The following MAF variants were observed in gnomAD, a reference collection of about 807,000 sequenced individuals.
MAF encodes MAF bZIP transcription factor.
Under a neutral mutation model 22.0 loss-of-function variants are expected in MAF, and 10 were observed. That is an observed-to-expected ratio of 0.45 (90% CI 0.28 to 0.77). The LOEUF (loss-of-function observed/expected upper bound fraction) is 0.77. Among genes scored for constraint, MAF ranks in the 30% least tolerant of loss-of-function variants. The probability of loss-of-function intolerance (pLI) is 0.12; values close to 1 mark genes in which losing one functional copy is unlikely to be tolerated. For missense variants in MAF, 544 were observed against 548.4 expected, an observed-to-expected ratio of 0.99 and a Z score of 0.08; for synonymous variants, 337 against 255.8, an observed-to-expected ratio of 1.32 and a Z score of -3.03.
chr16:79,291,560 G>T, the MAF span, among the ~76,000 whole-genome samples: 1 of 150,950 alleles, frequency 6.6e-6, no homozygotes, highest in African/African-American at 2.4e-5. Flanking sequence ...CTCATATTAA[G>T]TTTCCTCCTC....
the MAF span, among the ~76,000 whole-genome samples, chr16:79,295,558 A>T: frequency 2.0e-5 from 3 of 152,258 alleles, no homozygotes; most frequent in Non-Finnish European, 4.4e-5. Context: ...CACTTGTTAT[A>T]GTTCATGATG....
rs898221690 is a variant in MAF, at chr16:79,600,073, C to A, written c.-171G>T. Reference sequence around the variant, plus strand: ...ACCTCCGAGCGCGCTCACACACACACCCCCCCGCCCTGCCCGCGCCCCCCG... The same window carrying A: ...ACCTCCGAGCGCGCTCACACACACAACCCCCCGCCCTGCCCGCGCCCCCCG... On this transcript the variant is annotated 5_prime_UTR_variant, in exon 1 of 2. Transcript: ENST00000326043. 21 of 739,798 alleles carry A rather than the reference C, an allele frequency of 2.8e-5. No individual in the cohort carries two copies. In the African/African-American group the frequency reaches 3.6e-4, roughly 13 times the overall value. 45.8% of individuals were successfully genotyped at this position (739,798 alleles called of 1,614,324 possible).
At chr16:79,398,558 G>A in the MAF span, among the ~76,000 whole-genome samples, 9 of 152,124 alleles carry the variant, frequency 5.9e-5, no homozygotes. Flanking sequence ...CAGAGACGGA[G>A]TATCCTAGAG....
the MAF span, among the ~76,000 whole-genome samples, chr16:79,238,307 T>C: frequency 6.6e-6 from 1 of 152,140 alleles, no homozygotes; most frequent in African/African-American, 2.4e-5. Context: ...GAAAGCTTTC[T>C]GCTTCTTTCC....
chr16:79,218,929 C>T, the MAF span, among the ~76,000 whole-genome samples: 1 of 152,186 alleles, frequency 6.6e-6, no homozygotes, highest in South Asian at 2.1e-4. Flanking sequence ...CACCCCAAGC[C>T]TCTGTGGTTC....
At chr16:79,384,426 CA>C in the MAF span, among the ~76,000 whole-genome samples, 1 of 92,620 alleles carries the variant, frequency 1.1e-5, no homozygotes, top group African/African-American at 4.5e-5. Context: ...GCCTGGGCAA[CA>C]AGAGCAAAAC....
chr16:79,422,619 G>T, the MAF span, among the ~76,000 whole-genome samples: 1 of 152,142 alleles, frequency 6.6e-6, no homozygotes, highest in Non-Finnish European at 1.5e-5. Context: ...TATATACTTA[G>T]TGCTCAGTAG....
chr16:79,382,076 A>G, the MAF span, among the ~76,000 whole-genome samples: 1 of 152,116 alleles, frequency 6.6e-6, no homozygotes, highest in Non-Finnish European at 1.5e-5. Flanking sequence ...GACATTTCTT[A>G]CAGGGGAGCT....
the MAF span, among the ~76,000 whole-genome samples, chr16:79,269,240 G>A: frequency 1.3e-5 from 2 of 152,178 alleles, no homozygotes; most frequent in African/African-American, 4.8e-5. Context: ...GTTTAGCAAA[G>A]GAGTGACTTC....
At chr16:79,535,591 T>TTC in the MAF span, among the ~76,000 whole-genome samples, 3 of 148,198 alleles carry the variant, frequency 2.0e-5, no homozygotes, top group Non-Finnish European at 3.0e-5. Flanking sequence ...TTCTTCTTTT[T>TTC]TTTTTTTTTT....
the MAF span, among the ~76,000 whole-genome samples, chr16:79,507,483 G>C: frequency 6.7e-6 from 1 of 149,802 alleles, no homozygotes; most frequent in African/African-American, 2.5e-5. Context: ...GGAGTGCAGT[G>C]GCATGATCTC....
the MAF span, among the ~76,000 whole-genome samples, chr16:79,522,329 T>C: frequency 6.6e-6 from 1 of 152,206 alleles, no homozygotes; most frequent in African/African-American, 2.4e-5. Context: ...AGTTCCTCAG[T>C]GACTCCATGA....
the MAF span, among the ~76,000 whole-genome samples, chr16:79,524,843 G>A: frequency 3.3e-5 from 5 of 152,182 alleles, no homozygotes; most frequent in African/African-American, 1.2e-4. Flanking sequence ...GACAGATTCT[G>A]TGCTGTTCAA....
chr16:79,469,846 C>T, the MAF span, among the ~76,000 whole-genome samples: 4 of 152,268 alleles, frequency 2.6e-5, no homozygotes, highest in South Asian at 2.1e-4. Flanking sequence ...CCACCCACCT[C>T]GGCCTCCCAA....
At chr16:79,224,065 A>G in the MAF span, among the ~76,000 whole-genome samples, 1 of 151,954 alleles carries the variant, frequency 6.6e-6, no homozygotes, top group Non-Finnish European at 1.5e-5. Context: ...AAAAAAAGAA[A>G]ATTTGAGGCC....
At chr16:79,344,557 C>G in the MAF span, among the ~76,000 whole-genome samples, 6 of 152,306 alleles carry the variant, frequency 3.9e-5, no homozygotes, top group African/African-American at 9.6e-5. Flanking sequence ...TAGGTTTCCA[C>G]GTCCCATCTC....
the MAF span, among the ~76,000 whole-genome samples, chr16:79,546,949 T>C: frequency 6.6e-6 from 1 of 152,198 alleles, no homozygotes; most frequent in African/African-American, 2.4e-5. Context: ...TATTAGGATA[T>C]ACTATGTGAC....
the MAF span, among the ~76,000 whole-genome samples, chr16:79,419,996 AAC>A: frequency 7.0e-6 from 1 of 142,326 alleles, no homozygotes; most frequent in African/African-American, 2.5e-5. Flanking sequence ...TTCAGAGGGT[AAC>A]ACACGGTTTT....
the MAF span, among the ~76,000 whole-genome samples, chr16:79,419,054 G>A: frequency 6.6e-6 from 1 of 152,316 alleles, no homozygotes; most frequent in South Asian, 2.1e-4. Context: ...ATAAATGTCA[G>A]CAGTGTTTGC....
Sources: gnomAD v4.1 joint callset for allele counts (sites outside exome capture counted in the v4.1 genomes callset) on GRCh38, gnomAD v4.1.1 for gene constraint, MANE v1.5 for transcripts, NCBI Gene and HGNC (gene_info 2026-07-23, HGNC 2026-07-21) for gene names.